Variants in CLYBL observed in about 807,000 individuals in gnomAD.
The protein encoded by CLYBL is citramalyl-CoA lyase, mitochondrial.
CLYBL carries 31 observed loss-of-function variants against 38.9 expected under a neutral mutation model. The observed-to-expected ratio is 0.80, with a 90% CI of 0.60 to 1.08. CLYBL has a LOEUF of 1.08. CLYBL is among the 50% of genes least tolerant of loss of function. CLYBL has a pLI of 0.00. For synonymous variants in CLYBL, 171 were observed against 158.6 expected (o/e 1.08, Z -0.59); for missense variants, 434 against 411.6 (o/e 1.05, Z -0.47).
chr13:99,631,887 C>G (rs1010096793), intron 1 of CLYBL, among the ~76,000 whole-genome samples: 1 of 152,188 alleles, frequency 6.6e-6, no homozygotes, highest in Non-Finnish European at 1.5e-5. Flanking sequence ...AGGCGTGAGC[C>G]ACCGCACCTG....
intron 1 of CLYBL, among the ~76,000 whole-genome samples, chr13:99,619,442 T>C (rs1277025115): frequency 6.6e-6 from 1 of 152,256 alleles, no homozygotes; most frequent in Non-Finnish European, 1.5e-5. Flanking sequence ...GTAATACTTT[T>C]TAAAATAGCA....
At chr13:99,846,117 C>T (rs1018782820) in intron 2 of CLYBL, among the ~76,000 whole-genome samples, 2 of 151,966 alleles carry the variant, frequency 1.3e-5, no homozygotes. Flanking sequence ...CACTGCACTC[C>T]AGCCTGGGCC....
chr13:99,672,871 C>T (rs1042867793), intron 1 of CLYBL, among the ~76,000 whole-genome samples: 4 of 152,096 alleles, frequency 2.6e-5, no homozygotes, highest in African/African-American at 7.2e-5. Flanking sequence ...GCCCTTAACC[C>T]TTAAAGTTGC....
In CLYBL at chr13:99,680,460, A is replaced by G. The variant is rs59410814; in HGVS notation, c.62+73703A>G. On this transcript the variant is annotated intron_variant, in intron 1 of 8. Coordinates refer to ENST00000339105, the MANE Select transcript of CLYBL (RefSeq NM_206808.5). ...TGTTGCAATGAAATAAAAGAATGAT[A>G]TCTAAGTTGACCAACCTTGTAAAAG... Among the ~76,000 whole-genome samples the G allele has an allele frequency of 8.7e-3, 1,332 of 152,348 alleles. 24 individuals are homozygous for G. Among genetic ancestry groups the G allele is most frequent in the East Asian group, 0.078 (406 of 5,186 alleles).
At chr13:99,771,686 C>T (rs1328142716) in intron 1 of CLYBL, among the ~76,000 whole-genome samples, 7 of 152,154 alleles carry the variant, frequency 4.6e-5, no homozygotes, top group African/African-American at 9.6e-5. Flanking sequence ...TTTATTTCTA[C>T]CAGAGACTGA....
In CLYBL at chr13:99,848,825, G is replaced by A. The variant is rs114819269; in HGVS notation, c.250-10036G>A. On this transcript the variant is annotated intron_variant, in intron 2 of 8. Transcript: ENST00000339105. ...ATTCCACAACCACAGACAAATCTGA[G>A]CATGGCGGTGGTTAATAGTATTGGG... is the stretch of plus-strand genomic sequence containing the variant. Among the ~76,000 whole-genome samples the A allele has an allele frequency of 4.8e-3, 725 of 152,360 alleles. 8 individuals are homozygous for A. The highest frequency in any genetic ancestry group is 0.016 in the African/African-American group (683 of 41,594).
At chr13:99,608,318 C>T (rs2046564832) in intron 1 of CLYBL, among the ~76,000 whole-genome samples, 1 of 152,056 alleles carries the variant, frequency 6.6e-6, no homozygotes, top group Non-Finnish European at 1.5e-5. Flanking sequence ...GGTGATCCAC[C>T]TGCCTCGGCC....
rs1176000168 is a variant in CLYBL, at chr13:99,646,679, ATT to A, written c.62+39939_62+39940del. On this transcript the variant is annotated intron_variant, in intron 1 of 8. Transcript: ENST00000339105. ...AGGTGCCCGCTACCACACCTGGCTA[ATT>A]TTTTTTTTTTTTTTTTGTATTTTTA... 4.2e-3 allele frequency among the ~76,000 whole-genome samples: 545 copies of A among 128,800 alleles called. 4 individuals carry two copies. Among genetic ancestry groups the A allele is most frequent in the African/African-American group, 0.015 (492 of 33,642 alleles). The allele number at this position is 128,800 out of a possible 152,430, so 84.5% of individuals were successfully genotyped here. A position where few individuals can be genotyped will look rare whatever the true frequency, so the allele number is the denominator to read the frequency against.
chr13:99,818,424 CTGAAGATCACA>C (rs1439058588), intron 2 of CLYBL, among the ~76,000 whole-genome samples: 1 of 148,976 alleles, frequency 6.7e-6, no homozygotes, highest in Non-Finnish European at 1.5e-5. Flanking sequence ...GCCAGGACCC[CTGAAGATCACA>C]TGGAGCAGAA....
At chr13:99,727,241 G>T (rs989538490) in intron 1 of CLYBL, 1 of 151,606 alleles carries the variant, frequency 6.6e-6, no homozygotes, top group Non-Finnish European at 1.5e-5. Context: ...TCATTTGCTT[G>T]TTTGAAGCCT....
intron 1 of CLYBL, among the ~76,000 whole-genome samples, chr13:99,728,420 G>A (rs1051346700): frequency 2.0e-5 from 3 of 151,322 alleles, no homozygotes; most frequent in Non-Finnish European, 4.4e-5. Context: ...CAGAGACTAC[G>A]GGTGTGTGCC....
intron 1 of CLYBL, among the ~76,000 whole-genome samples, chr13:99,691,604 A>C (rs773056364): frequency 1.8e-4 from 26 of 144,642 alleles, no homozygotes; most frequent in African/African-American, 2.5e-4. Flanking sequence ...AAACCAAAAA[A>C]CAAAAAACAA....
At chr13:99,766,762 A>G (rs10083271) in intron 1 of CLYBL, among the ~76,000 whole-genome samples, 25,428 of 152,028 alleles carry the variant, frequency 0.17, 2,697 homozygotes, top group East Asian at 0.38. Flanking sequence ...TTAGTAAACT[A>G]TCAGAACGCT....
chr13:99,626,172 G>C (rs1459175265), intron 1 of CLYBL, among the ~76,000 whole-genome samples: 1 of 152,238 alleles, frequency 6.6e-6, no homozygotes, highest in Non-Finnish European at 1.5e-5. Flanking sequence ...GTGGCTTTTG[G>C]AGGGCACCTG....
Position 99,619,738 on chromosome 13 carries a change from C to T in CLYBL, c.62+12981C>T, listed in dbSNP as rs547243966. Reference sequence around the variant, plus strand: ...CTTATCTAGATTGTGCCTTATTTTTCTCACCCATCAAAAGGAGGATGGACA... The same window carrying T: ...CTTATCTAGATTGTGCCTTATTTTTTTCACCCATCAAAAGGAGGATGGACA... On this transcript the variant is annotated intron_variant, in intron 1 of 8. Coordinates refer to ENST00000339105, the MANE Select transcript of CLYBL (RefSeq NM_206808.5). Among the ~76,000 whole-genome samples, 241 of 152,286 alleles carry T rather than the reference C, an allele frequency of 1.6e-3. 3 individuals are homozygous for T. Among genetic ancestry groups the T allele is most frequent in the Non-Finnish European group, 1.8e-3 (123 of 68,022 alleles).
At chr13:99,807,032 G>A (rs1594194671) in intron 2 of CLYBL, among the ~76,000 whole-genome samples, 2 of 152,210 alleles carry the variant, frequency 1.3e-5, no homozygotes, top group Admixed American at 6.5e-5. Flanking sequence ...AGTGCTTCCA[G>A]TTAGAGCTGG....
At chr13:99,853,879 A>G (rs1028200982) in intron 2 of CLYBL, among the ~76,000 whole-genome samples, 1 of 152,224 alleles carries the variant, frequency 6.6e-6, no homozygotes, top group African/African-American at 2.4e-5. Flanking sequence ...ATTTTCAATA[A>G]GATTTTCATA....
At chr13:99,780,211 G>A (rs1940559045) in intron 2 of CLYBL, among the ~76,000 whole-genome samples, 1 of 151,964 alleles carries the variant, frequency 6.6e-6, no homozygotes, top group East Asian at 1.9e-4. Context: ...CCCTTATAAT[G>A]CATTTTGCTT....
intron 3 of CLYBL, among the ~76,000 whole-genome samples, chr13:99,859,756 T>G (rs1004568133): frequency 5.9e-5 from 9 of 152,212 alleles, no homozygotes; most frequent in Non-Finnish European, 1.2e-4. Flanking sequence ...ATGATTGTTT[T>G]AATTGACAAA....
Sources: allele counts gnomAD v4.1 joint callset (sites outside exome capture counted in the v4.1 genomes callset), GRCh38; gene constraint gnomAD v4.1.1; transcripts MANE v1.5; gene names NCBI Gene and HGNC (gene_info 2026-07-23, HGNC 2026-07-21).